Variants in MAP3K4 observed in about 807,000 individuals in gnomAD.
The protein encoded by MAP3K4 is mitogen-activated protein kinase kinase kinase 4, also known as MAP three kinase 1.
Under a neutral mutation model 185.6 loss-of-function variants are expected in MAP3K4, and 67 were observed. The ratio of observed to expected loss-of-function variants is 0.36; its 90% CI spans 0.30 to 0.44. The LOEUF is 0.44. MAP3K4 is among the 20% of genes least tolerant of loss of function. The pLI, the probability that MAP3K4 is intolerant of heterozygous loss-of-function variation, is 1.00. For missense variants in MAP3K4, 1,551 were observed against 1,995.1 expected (o/e 0.78, Z 4.24); for synonymous variants, 702 against 710.4 (o/e 0.99, Z 0.19).
chr6:161,095,308 G>A (rs540410467), intron 15 of MAP3K4, among the ~76,000 whole-genome samples: 2 of 152,228 alleles, frequency 1.3e-5, no homozygotes, highest in South Asian at 4.2e-4. Context: ...ATGCTAATGA[G>A]GATTAAATAA....
intron 2 of MAP3K4, among the ~76,000 whole-genome samples, chr6:161,044,009 T>C (rs953907310): frequency 5.3e-5 from 8 of 152,232 alleles, no homozygotes; most frequent in African/African-American, 1.4e-4. Context: ...CATTTGTTTG[T>C]CTTATATCCG....
At chr6:161,105,868 C>T (rs188904124) in intron 19 of MAP3K4, among the ~76,000 whole-genome samples, 4 of 146,456 alleles carry the variant, frequency 2.7e-5, no homozygotes, top group African/African-American at 1.0e-4. Flanking sequence ...CCTGGTCTTA[C>T]TCTGTCACCC....
rs971632598 is a variant in MAP3K4, at chr6:161,112,134, T to C, written c.4519+176T>C. 6.6e-6 allele frequency among the ~76,000 whole-genome samples: 1 copy of C among 152,218 alleles called. No homozygotes were observed. Among genetic ancestry groups the C allele is most frequent in the African/African-American group, 2.4e-5 (1 of 41,460 alleles). On this transcript the variant is annotated intron_variant, in intron 24 of 26. Coordinates refer to ENST00000392142, the MANE Select transcript of MAP3K4 (RefSeq NM_005922.4). The surrounding 1 kb of genome is among the most constrained non-coding windows in gnomAD (Gnocchi z 5.1). ...CTCCCACGCAAGAGCAGCTGTCACA[T>C]TGGTGAATTAAATGACTCCTTTTAG... is the stretch of plus-strand genomic sequence containing the variant.
intron 5 of MAP3K4, among the ~76,000 whole-genome samples, chr6:161,078,219 C>T (rs570591321): frequency 6.6e-6 from 1 of 152,188 alleles, no homozygotes; most frequent in African/African-American, 2.4e-5. Flanking sequence ...AATATGACTC[C>T]CAGAAATGTT....
chr6:161,042,517 C>T (rs540723527), intron 2 of MAP3K4, among the ~76,000 whole-genome samples: 3 of 152,028 alleles, frequency 2.0e-5, no homozygotes, highest in South Asian at 4.2e-4. Context: ...GAGCTAGCTG[C>T]GGTGTTATTT....
At position 161,093,297 on chromosome 6, in the gene MAP3K4, A is replaced by G. The variant is rs985314065; in HGVS notation, c.3348+241A>G. Reference sequence around the variant, plus strand: ...GGTTTGTAAACCCTGGCCCTTCTAAAATATTTGTGAGATTTATATTTTTAC... The same window carrying G: ...GGTTTGTAAACCCTGGCCCTTCTAAGATATTTGTGAGATTTATATTTTTAC... On this transcript the variant is annotated intron_variant, in intron 14 of 26. Coordinates refer to ENST00000392142, the MANE Select transcript of MAP3K4 (RefSeq NM_005922.4). The surrounding 1 kb of genome is among the most constrained non-coding windows in gnomAD (Gnocchi z 5.2). Among the ~76,000 whole-genome samples, 1 of 152,100 alleles carries G rather than the reference A, an allele frequency of 6.6e-6. No individual in the cohort carries two copies.
intron 19 of MAP3K4, among the ~76,000 whole-genome samples, chr6:161,105,249 AATAGAG>A (rs1233867631): frequency 1.3e-5 from 2 of 152,234 alleles, no homozygotes; most frequent in Non-Finnish European, 2.9e-5. Context: ...AAGTTGGAGA[AATAGAG>A]ATAAATTGCC....
chr6:161,106,409 G>A lies in MAP3K4; in HGVS notation c.3857-105G>A, dbSNP rs1778074733. On this transcript the variant is annotated intron_variant, in intron 19 of 26. Coordinates refer to ENST00000392142, the MANE Select transcript of MAP3K4 (RefSeq NM_005922.4). The surrounding 1 kb of genome is among the most constrained non-coding windows in gnomAD (Gnocchi z 4.9). ...ATCTGAATAGATAATAAGCTTTGCTGTAATGGAGTGCTAATATATATTGCT... is the reference window on the plus strand; with the variant it reads ...ATCTGAATAGATAATAAGCTTTGCTATAATGGAGTGCTAATATATATTGCT... The A allele has an allele frequency of 1.4e-6, 1 of 735,154 alleles. No individual in the cohort carries two copies. The allele number at this position is 735,154 out of a possible 1,614,324, so 45.5% of individuals were successfully genotyped here.
intron 1 of MAP3K4, among the ~76,000 whole-genome samples, chr6:161,033,462 T>C (rs1237494050): frequency 6.6e-6 from 1 of 152,208 alleles, no homozygotes; most frequent in African/African-American, 2.4e-5. Flanking sequence ...GCAGTGTTTT[T>C]AGAGAACAAA....
intron 23 of MAP3K4, 102 bp from the exon 24 acceptor site, chr6:161,111,734 T>C: frequency 9.0e-7 from 1 of 1,109,654 alleles, no homozygotes; most frequent in Non-Finnish European, 1.3e-6. Flanking sequence ...GCCTTTCGAT[T>C]GTTTAGCTTG....
chr6:160,992,265 C>A, intron 1 of MAP3K4, 182 bp downstream of exon 1: 1 of 799,352 alleles, frequency 1.3e-6, no homozygotes, highest in Non-Finnish European at 1.8e-6. Context: ...CTGAGTCTGT[C>A]CGGCGACTCC....
Position 161,097,723 on chromosome 6 carries a change from GT to G in MAP3K4, c.3525-550del, listed in dbSNP as rs1777632902. 6.6e-6 allele frequency among the ~76,000 whole-genome samples: 1 copy of G among 151,906 alleles called. No individual in the cohort carries two copies. The highest frequency in any genetic ancestry group is 1.5e-5 in the Non-Finnish European group (1 of 67,980). On this transcript the variant is annotated intron_variant, in intron 16 of 26. Transcript: ENST00000392142. The surrounding 1 kb of genome is among the most constrained non-coding windows in gnomAD (Gnocchi z 4.9). Reference sequence around the variant, plus strand: ...GCACCTTCTCTCGCCTGTATAATCAGTTTTTAAAAGTTTAATTTTATTTGAC... The same window carrying G: ...GCACCTTCTCTCGCCTGTATAATCAGTTTTAAAAGTTTAATTTTATTTGAC...
At chr6:161,052,091 G>T (rs1784025941) in intron 3 of MAP3K4, among the ~76,000 whole-genome samples, 2 of 152,176 alleles carry the variant, frequency 1.3e-5, no homozygotes, top group South Asian at 4.1e-4. Context: ...TAGGAGAGCA[G>T]CACATGAGAA....
chr6:161,060,272 A>C (rs1231621695), intron 3 of MAP3K4, among the ~76,000 whole-genome samples: 3 of 152,238 alleles, frequency 2.0e-5, no homozygotes, highest in Non-Finnish European at 2.9e-5. Context: ...TAGTTGACAC[A>C]AATGGCAAGA....
intron 1 of MAP3K4, among the ~76,000 whole-genome samples, chr6:160,995,217 T>C (rs752819848): frequency 3.3e-4 from 50 of 152,236 alleles, no homozygotes; most frequent in Non-Finnish European, 6.5e-4. Flanking sequence ...GAGCATTTTT[T>C]CTTATGTTTG....
chr6:161,113,790 C>CTTTTTTTTTT (rs963260228), intron 25 of MAP3K4, among the ~76,000 whole-genome samples: 15 of 71,078 alleles, frequency 2.1e-4, no homozygotes, highest in African/African-American at 2.9e-4. Flanking sequence ...ATATGAGTGA[C>CTTTTTTTTTT]TTTTTTTTTT....
In MAP3K4 at chr6:161,093,851, G is replaced by A. The variant is rs1366187881; in HGVS notation, c.3427G>A (p.Ala1143Thr). ...PHSPVTGLYL[A>T]IHRNSPRPMK... is the part of the protein sequence containing the mutation. ...CAGTCCTGTTACAGGTTTGTACCTT[G>A]GTAAGACAGCCGTTAACAGCATTTC... The change falls in exon 15 of 27, where the codon GCC becomes ACC. Residue 1143 changes from alanine to threonine, a missense_variant and splice_region_variant. This residue lies in a region of MAP3K4 where 272 missense variants were observed against 301.2 expected (regional missense o/e 0.90). Transcript: ENST00000392142. This position sits in a 1 kb window ranked among gnomAD's most constrained non-coding sequence, Gnocchi z 5.2. 3 of 1,608,248 alleles carry A rather than the reference G, an allele frequency of 1.9e-6. No individual in the cohort carries two copies. Among genetic ancestry groups the A allele is most frequent in the Non-Finnish European group, 2.6e-6 (3 of 1,175,776 alleles).
chr6:161,044,976 G>C (rs1783656177), intron 2 of MAP3K4, among the ~76,000 whole-genome samples: 1 of 152,096 alleles, frequency 6.6e-6, no homozygotes, highest in Non-Finnish European at 1.5e-5. Flanking sequence ...AACACTGGGG[G>C]TCACATTTCA....
intron 3 of MAP3K4, among the ~76,000 whole-genome samples, chr6:161,068,214 G>C (rs1435331332): frequency 1.3e-5 from 2 of 152,154 alleles, no homozygotes; most frequent in Non-Finnish European, 2.9e-5. Flanking sequence ...AGTAAAGCAT[G>C]ATAAATACAA....
Sources: gnomAD v4.1 joint callset for allele counts (sites outside exome capture counted in the v4.1 genomes callset) on GRCh38, gnomAD v4.1.1 for gene constraint, gnomAD v4.1.1 regional missense constraint, Gnocchi (gnomAD v3.1) non-coding constraint, MANE v1.5 for transcripts, NCBI Gene and HGNC (gene_info 2026-07-23, HGNC 2026-07-21) for gene names.